The following CCDC30 variants were observed in gnomAD, a reference collection of about 807,000 sequenced individuals.
The protein encoded by CCDC30 is coiled-coil domain containing 30.
In CCDC30, 70 loss-of-function variants were observed where a neutral mutation model predicts 100.2. The ratio of observed to expected loss-of-function variants is 0.70; its 90% CI spans 0.58 to 0.85. The LOEUF is 0.85. CCDC30 is among the 40% of genes least tolerant of loss of function. The pLI, the probability that CCDC30 is intolerant of heterozygous loss-of-function variation, is 0.00. For synonymous variants in CCDC30, 233 were observed against 269.5 expected (o/e 0.86, Z 1.33); for missense variants, 652 against 771.2 (o/e 0.85, Z 1.83).
At chr1:42,567,571 G>T (rs1384861849) in intron 7 of CCDC30, among the ~76,000 whole-genome samples, 1 of 152,182 alleles carries the variant, frequency 6.6e-6, no homozygotes, top group African/African-American at 2.4e-5. Flanking sequence ...GGGATTATTT[G>T]AATAAACCTC....
At chr1:42,488,691 A>G (rs779268727) in intron 3 of CCDC30, among the ~76,000 whole-genome samples, 14 of 152,232 alleles carry the variant, frequency 9.2e-5, no homozygotes, top group Non-Finnish European at 1.8e-4. Flanking sequence ...GTAGTCTGAT[A>G]TTATCTAAAT....
intron 7 of CCDC30, among the ~76,000 whole-genome samples, chr1:42,567,772 C>A (rs1008550964): frequency 2.0e-5 from 3 of 152,086 alleles, no homozygotes; most frequent in Admixed American, 6.6e-5. Context: ...CTACATATTT[C>A]TTAAGGAACA....
At chr1:42,559,789 A>G (rs1645448901) in intron 6 of CCDC30, among the ~76,000 whole-genome samples, 1 of 152,196 alleles carries the variant, frequency 6.6e-6, no homozygotes, top group South Asian at 2.1e-4. Flanking sequence ...GATCTAATGG[A>G]CCTAGTAGAC....
intron 10 of CCDC30, among the ~76,000 whole-genome samples, chr1:42,606,462 G>C (rs150590979): frequency 1.7e-3 from 255 of 152,210 alleles, no homozygotes; most frequent in African/African-American, 5.8e-3. Flanking sequence ...ACTTTTAGTA[G>C]AGGTGAGGTT....
chr1:42,461,488 A>G (rs1041473637), upstream of CCDC30, among the ~76,000 whole-genome samples: 1 of 151,556 alleles, frequency 6.6e-6, no homozygotes, highest in Non-Finnish European at 1.5e-5. Flanking sequence ...GGTGTGTGCC[A>G]CCATGCCTGG....
chr1:42,474,820 T>G (rs1364288801), intron 1 of CCDC30, among the ~76,000 whole-genome samples: 1 of 152,206 alleles, frequency 6.6e-6, no homozygotes, highest in Non-Finnish European at 1.5e-5. Flanking sequence ...GTACTTAATA[T>G]AGTGCCTGGA....
chr1:42,500,351 A>G (rs1644291307), intron 6 of CCDC30: 1 of 1,584,774 alleles, frequency 6.3e-7, no homozygotes, highest in African/African-American at 1.3e-5. Context: ...GTTGCCGAGG[A>G]AAAGCGGAGT....
chr1:42,556,100 G>A (rs919366994), intron 6 of CCDC30, 56 bp from the exon 10 acceptor site: 27 of 1,523,702 alleles, frequency 1.8e-5, no homozygotes, highest in Admixed American at 8.5e-5. Flanking sequence ...TTTTTTTCCC[G>A]ATTCTACTAC....
At position 42,642,462 on chromosome 1, in the gene CCDC30, C is replaced by A. The variant is rs368534681; in HGVS notation, c.1420-11C>A. 62 of 1,515,780 alleles carry A rather than the reference C, an allele frequency of 4.1e-5. No individual in the cohort carries two copies. The highest frequency in any genetic ancestry group is 4.5e-5 in the Non-Finnish European group (51 of 1,132,334). 93.9% of individuals were successfully genotyped at this position (1,515,780 alleles called of 1,614,324 possible). A position where few individuals can be genotyped will look rare whatever the true frequency, so the allele number is the denominator to read the frequency against. On this transcript the variant is annotated splice_polypyrimidine_tract_variant and intron_variant, in intron 12 of 16. Coordinates refer to ENST00000668663, the Ensembl canonical transcript of CCDC30. ...CCTGCTGTGGTAATTAGGAGACTTTCTAATCCCTAGGAGAAGGCAATACAG... is the reference window on the plus strand; with the variant it reads ...CCTGCTGTGGTAATTAGGAGACTTTATAATCCCTAGGAGAAGGCAATACAG...
intron 1 of CCDC30, among the ~76,000 whole-genome samples, chr1:42,479,909 G>A (rs1170429500): frequency 6.6e-6 from 1 of 152,130 alleles, no homozygotes; most frequent in East Asian, 1.9e-4. Context: ...GCAGGGAAGT[G>A]AAACTCATTA....
intron 6 of CCDC30, 47 bp from the exon 10 acceptor site, chr1:42,556,109 A>G: frequency 1.9e-6 from 3 of 1,555,164 alleles, no homozygotes; most frequent in South Asian, 2.4e-5. Flanking sequence ...CGATTCTACT[A>G]CTATAATAAG....
At position 42,577,876 on chromosome 1, in the gene CCDC30, G is replaced by A. The variant is rs923664787; in HGVS notation, c.846+647G>A. The stretch of plus-strand genomic sequence containing the variant: ...AGGGTGGTCTTGATCTTCTGACCTC[G>A]TGATCCACCCGCCTCGGCCTCCCAA... On this transcript the variant is annotated intron_variant, in intron 8 of 16. Coordinates refer to ENST00000668663, the Ensembl canonical transcript of CCDC30. Among the ~76,000 whole-genome samples the A allele has an allele frequency of 3.4e-4, 51 of 152,190 alleles. 2 individuals carry two copies. The highest frequency in any genetic ancestry group is 1.1e-3 in the African/African-American group (45 of 41,534).
intron 6 of CCDC30, among the ~76,000 whole-genome samples, chr1:42,554,366 C>T (rs1270137144): frequency 6.6e-6 from 1 of 151,316 alleles, no homozygotes; most frequent in Non-Finnish European, 1.5e-5. Flanking sequence ...CAACTTCTGC[C>T]TCCTAGGTCC....
intron 1 of CCDC30, among the ~76,000 whole-genome samples, chr1:42,479,683 A>T (rs900625816): frequency 1.3e-5 from 2 of 151,962 alleles, no homozygotes; most frequent in African/African-American, 2.4e-5. Flanking sequence ...CACTGGAGAG[A>T]GATGAGATTG....
upstream of CCDC30, chr1:42,459,244 C>T (rs1432617906): frequency 1.5e-5 from 3 of 203,174 alleles, no homozygotes; most frequent in Admixed American, 5.3e-5. Context: ...CTCACTGCAG[C>T]CTCAACCTTC....
chr1:42,567,993 A>G (rs1645643743), intron 7 of CCDC30, among the ~76,000 whole-genome samples: 1 of 152,116 alleles, frequency 6.6e-6, no homozygotes, highest in Admixed American at 6.6e-5. Context: ...CTCCATGGTG[A>G]GATAAATTAT....
chr1:42,587,353 A>T (rs1435694797), intron 9 of CCDC30, among the ~76,000 whole-genome samples: 1 of 152,166 alleles, frequency 6.6e-6, no homozygotes, highest in African/African-American at 2.4e-5. Context: ...CCAATAACTC[A>T]AGTGTTTTTA....
At chr1:42,639,766 C>T (rs1181818150) in intron 12 of CCDC30, among the ~76,000 whole-genome samples, 2 of 152,102 alleles carry the variant, frequency 1.3e-5, no homozygotes, top group East Asian at 1.9e-4. Flanking sequence ...TTGGTACATA[C>T]ACATTTTTCA....
At chr1:42,460,523 T>G (rs75282386), upstream of CCDC30, 1,319 of 310,952 alleles carry the variant, frequency 4.2e-3, 15 homozygotes, top group African/African-American at 0.027. Flanking sequence ...ACTTTTTGCT[T>G]CTTATTGTAG....
Sources: gnomAD v4.1 joint callset for allele counts (sites outside exome capture counted in the v4.1 genomes callset) on GRCh38, gnomAD v4.1.1 for gene constraint, MANE v1.5 for transcripts, NCBI Gene and HGNC (gene_info 2026-07-23, HGNC 2026-07-21) for gene names.